Variants in FRK observed in about 807,000 individuals in gnomAD.
FRK encodes tyrosine-protein kinase FRK.
A neutral mutation model predicts 56.4 loss-of-function variants in FRK; 51 were observed. That is an observed-to-expected ratio of 0.90 (90% CI 0.72 to 1.14). The LOEUF (loss-of-function observed/expected upper bound fraction) is 1.14. Among genes scored for constraint, FRK ranks in the 50% most tolerant of loss-of-function variants. The pLI is 0.00. For missense variants in FRK, 570 were observed against 601.4 expected (o/e 0.95, Z 0.55); for synonymous variants, 245 against 217.9 (o/e 1.12, Z -1.10).
At chr6:116,002,647 C>T (rs1775107438) in intron 2 of FRK, 1 of 452,936 alleles carries the variant, frequency 2.2e-6, no homozygotes, top group East Asian at 7.0e-5. Flanking sequence ...CACACAATCA[C>T]ATTTCAAGAG....
At chr6:116,064,246 A>C (rs927456879), upstream of FRK, among the ~76,000 whole-genome samples, 1 of 152,168 alleles carries the variant, frequency 6.6e-6, no homozygotes, top group Non-Finnish European at 1.5e-5. Context: ...CAGGCGATGC[A>C]TGAATATAGA....
intron 1 of FRK, among the ~76,000 whole-genome samples, chr6:116,014,314 AC>A (rs947796511): frequency 3.3e-5 from 5 of 152,204 alleles, no homozygotes; most frequent in African/African-American, 4.8e-5. Flanking sequence ...ACTTTAAGTA[AC>A]AAATCAAAAA....
intron 2 of FRK, among the ~76,000 whole-genome samples, chr6:115,980,415 A>T (rs1208817745): frequency 6.6e-6 from 1 of 152,154 alleles, no homozygotes; most frequent in Non-Finnish European, 1.5e-5. Context: ...AAACATGAGG[A>T]TACATCTGGC....
intron 4 of FRK, among the ~76,000 whole-genome samples, chr6:115,957,740 G>C (rs1189149957): frequency 6.6e-6 from 1 of 152,124 alleles, no homozygotes; most frequent in Non-Finnish European, 1.5e-5. Context: ...GTTCAGAACT[G>C]GACTAATCAG....
In FRK at chr6:115,942,452, C is replaced by T. The variant is rs1772221922; in HGVS notation, c.1480G>A (p.Asp494Asn). Reference sequence around the variant, plus strand: ...TTATTTGCATCTGAATATGAAGAGTCTGTTTCAAAATAGTCTTCAAGTTTC... The same window carrying T: ...TTATTTGCATCTGAATATGAAGAGTTTGTTTCAAAATAGTCTTCAAGTTTC... ...RWKLEDYFET[D>N]SSYSDANNFI... The change falls in exon 8 of 8, where the codon GAC becomes AAC. Residue 494 changes from aspartate (D) to asparagine (N), a missense_variant. Coordinates refer to ENST00000606080, the MANE Select transcript of FRK (RefSeq NM_002031.3). The T allele has an allele frequency of 1.2e-6, 2 of 1,613,590 alleles. No homozygotes were observed. The highest frequency in any genetic ancestry group is 4.5e-5 in the East Asian group (2 of 44,864).
intron 2 of FRK, among the ~76,000 whole-genome samples, chr6:115,996,596 C>T (rs536236716): frequency 2.4e-4 from 37 of 152,160 alleles, no homozygotes; most frequent in Admixed American, 2.2e-3. Flanking sequence ...ATTTGTAATC[C>T]TACATGGCCC....
At chr6:116,047,504 C>T (rs1777014271) in intron 1 of FRK, among the ~76,000 whole-genome samples, 1 of 15,448 alleles carries the variant, frequency 6.5e-5, no homozygotes, top group South Asian at 1.8e-3. Context: ...GCCTCAGTCT[C>T]CCAAGTAGCT....
chr6:115,956,383 A>ATT, intron 5 of FRK, 69 bp downstream of exon 5: 1 of 1,219,160 alleles, frequency 8.2e-7, no homozygotes, highest in South Asian at 2.2e-5. Flanking sequence ...AAGGCTTGCT[A>ATT]AATTGACACT....
At position 116,006,755 on chromosome 6, in the gene FRK, C is replaced by T. The variant is rs574711489; in HGVS notation, c.345-2757G>A. Among the ~76,000 whole-genome samples, 29 of 152,272 alleles carry T rather than the reference C, an allele frequency of 1.9e-4. No homozygotes were observed. In the South Asian group the frequency reaches 4.1e-3, roughly 22 times the overall value. ...GGAGGATCACTTGAGCCCAGGAGTT[C>T]AAGGCTGTAGTGCACTATGATCGCA... On this transcript the variant is annotated intron_variant, in intron 1 of 7. Transcript: ENST00000606080.
intron 1 of FRK, among the ~76,000 whole-genome samples, chr6:116,025,673 G>T (rs1030880137): frequency 2.0e-5 from 3 of 152,070 alleles, no homozygotes; most frequent in African/African-American, 7.2e-5. Flanking sequence ...CAACATATGT[G>T]GTTATATCTT....
At chr6:116,038,156 A>G (rs1776558814) in intron 1 of FRK, among the ~76,000 whole-genome samples, 1 of 152,204 alleles carries the variant, frequency 6.6e-6, no homozygotes. Flanking sequence ...TTTCTGGCCA[A>G]CATTCATTAA....
chr6:115,948,072 A>T (rs1772539796), intron 5 of FRK, among the ~76,000 whole-genome samples: 1 of 152,162 alleles, frequency 6.6e-6, no homozygotes, highest in Non-Finnish European at 1.5e-5. Flanking sequence ...TATCACTTCC[A>T]AGATTAAATT....
chr6:116,006,108 T>C (rs1775237878), intron 1 of FRK, among the ~76,000 whole-genome samples: 1 of 152,106 alleles, frequency 6.6e-6, no homozygotes, highest in South Asian at 2.1e-4. Context: ...GAAAAAATAT[T>C]TGCAAAGTAT....
At chr6:116,018,688 T>G (rs958424202) in intron 1 of FRK, among the ~76,000 whole-genome samples, 5 of 152,176 alleles carry the variant, frequency 3.3e-5, no homozygotes, top group African/African-American at 1.2e-4. Context: ...ATTCCCTGCC[T>G]CAATGACTGC....
chr6:116,091,964 T>C, the FRK span, among the ~76,000 whole-genome samples: 4 of 152,164 alleles, frequency 2.6e-5, no homozygotes, highest in African/African-American at 9.7e-5. Flanking sequence ...ATCTATCCTA[T>C]CTAGCCTGAC....
intron 1 of FRK, among the ~76,000 whole-genome samples, chr6:116,053,047 AG>A (rs1190077296): frequency 2.0e-5 from 3 of 152,192 alleles, no homozygotes; most frequent in Admixed American, 6.6e-5. Context: ...ACTGAGGCAG[AG>A]GGGTCAAGTA....
Position 115,939,280 on chromosome 6 carries a change from A to C in FRK, c.*3134T>G, listed in dbSNP as rs999045335. 1 of 152,164 alleles carries C rather than the reference A, an allele frequency of 6.6e-6. No individual in the cohort carries two copies. Among genetic ancestry groups the C allele is most frequent in the African/African-American group, 2.4e-5 (1 of 41,448 alleles). 9.4% of individuals were successfully genotyped at this position (152,164 alleles called of 1,614,324 possible). A position where few individuals can be genotyped will look rare whatever the true frequency, so the allele number is the denominator to read the frequency against. ...GATGCAGAAAATTTGATAAAATTCAACACCCCTTCATACTAAAAACTCTCA... is the reference window on the plus strand; with the variant it reads ...GATGCAGAAAATTTGATAAAATTCACCACCCCTTCATACTAAAAACTCTCA... On this transcript the variant is annotated 3_prime_UTR_variant, in exon 8 of 8. Coordinates refer to ENST00000606080, the MANE Select transcript of FRK (RefSeq NM_002031.3).
chr6:115,969,113 A>C (rs1191427383), intron 2 of FRK, among the ~76,000 whole-genome samples: 1 of 152,154 alleles, frequency 6.6e-6, no homozygotes, highest in Admixed American at 6.5e-5. Flanking sequence ...AAAATCATGA[A>C]AGGTTTTTAG....
chr6:116,051,216 T>C (rs568115730), intron 1 of FRK, among the ~76,000 whole-genome samples: 1 of 152,234 alleles, frequency 6.6e-6, no homozygotes, highest in African/African-American at 2.4e-5. Context: ...TTCCTATTAA[T>C]TTACTGAATT....
Sources: gnomAD v4.1 joint callset for allele counts (sites outside exome capture counted in the v4.1 genomes callset) on GRCh38, gnomAD v4.1.1 for gene constraint, MANE v1.5 for transcripts, NCBI Gene and HGNC (gene_info 2026-07-23, HGNC 2026-07-21) for gene names.